Variants in B9D2 observed in about 807,000 individuals in gnomAD.
The protein encoded by B9D2 is B9 domain containing 2, also known as B9 domain-containing protein 2.
In B9D2, 21 loss-of-function variants were observed where a neutral mutation model predicts 19.2. That is an observed-to-expected ratio of 1.09 (90% CI 0.78 to 1.58). B9D2 has a LOEUF of 1.58. B9D2 is among the 40% of genes most tolerant of loss of function. The pLI is 0.00. For missense variants in B9D2, 221 were observed against 244.3 expected, an observed-to-expected ratio of 0.90 and a Z score of 0.64; for synonymous variants, 91 against 100.6, an observed-to-expected ratio of 0.90 and a Z score of 0.57.
rs927034662 is a variant in B9D2 at position 41,354,711 on chromosome 19, C to T, written c.517G>A (p.Val173Met). The T allele has an allele frequency of 2.2e-5, 35 of 1,614,022 alleles. No individual in the cohort carries two copies. The highest frequency in any genetic ancestry group is 3.0e-5 in the Non-Finnish European group (35 of 1,180,026). Residue 173 changes from valine (V) to methionine (M), a missense_variant, in exon 4 of 4, where the codon GTG (valine) becomes ATG (methionine). By Grantham distance (21) the Val-to-Met change is conservative. Transcript: ENST00000243578. ...GGAGGCAGAGTCCCTCAGCACTCCA[C>T]GCCGTAGCGGTCGAAGTTGCGGAGC... ...LLLRNFDRYG[V>M]EC
intron 2 of B9D2, among the ~76,000 whole-genome samples, chr19:41,360,409 T>G (rs1017954286): frequency 2.6e-5 from 4 of 152,192 alleles, no homozygotes; most frequent in Admixed American, 2.6e-4. Flanking sequence ...ACTCCTGGGC[T>G]CAAGTGATCC....
chr19:41,362,003 C>T (rs1427286189), intron 2 of B9D2, among the ~76,000 whole-genome samples: 3 of 93,132 alleles, frequency 3.2e-5, no homozygotes, highest in African/African-American at 1.3e-4. Flanking sequence ...TCGCTTGAAC[C>T]CAGGAGGCAG....
At chr19:41,360,546 C>T (rs763340912) in intron 2 of B9D2, among the ~76,000 whole-genome samples, 1 of 151,900 alleles carries the variant, frequency 6.6e-6, no homozygotes, top group African/African-American at 2.4e-5. Context: ...GCTCTTGTTG[C>T]CCAAGCTGGA....
At chr19:41,358,932 G>C (rs997259760) in intron 2 of B9D2, among the ~76,000 whole-genome samples, 31 of 151,992 alleles carry the variant, frequency 2.0e-4, no homozygotes, top group African/African-American at 6.3e-4. Context: ...ATCATCTAAG[G>C]TCAGGAGTTC....
chr19:41,360,888 C>T (rs939573319), intron 2 of B9D2: 2 of 152,172 alleles, frequency 1.3e-5, no homozygotes, highest in Admixed American at 6.6e-5. Context: ...CCCAAGACCA[C>T]AAACCCAGCT....
chr19:41,356,045 A>T (rs1360209618), intron 3 of B9D2, among the ~76,000 whole-genome samples: 1 of 152,122 alleles, frequency 6.6e-6, no homozygotes, highest in Admixed American at 6.6e-5. Flanking sequence ...CAGCATGGCT[A>T]GAGCAGAATG....
intron 2 of B9D2, chr19:41,362,854 T>C (rs187444973): frequency 6.3e-4 from 98 of 155,462 alleles, no homozygotes; most frequent in Non-Finnish European, 5.3e-4. Flanking sequence ...AATTAATAGG[T>C]GGGGGAGTTA....
In B9D2 at chr19:41,354,718, G is replaced by T. The variant is rs1285590502; in HGVS notation, c.510C>A (p.Arg170=). Residue 170 remains arginine, a synonymous_variant, in exon 4 of 4, where the codon CGC becomes CGA. Transcript: ENST00000243578. ...GAGTCCCTCAGCACTCCACGCCGTA[G>T]CGGTCGAAGTTGCGGAGCAGCAGGC... ...EIGLLLRNFD[R]YGVEC The T allele has an allele frequency of 1.9e-6, 3 of 1,614,070 alleles. No homozygotes were observed. The highest frequency in any genetic ancestry group is 2.5e-6 in the Non-Finnish European group (3 of 1,180,028).
At chr19:41,356,785 A>C (rs2038320937) in intron 3 of B9D2, among the ~76,000 whole-genome samples, 1 of 151,718 alleles carries the variant, frequency 6.6e-6, no homozygotes, top group Non-Finnish European at 1.5e-5. Flanking sequence ...TGGGAGGCAG[A>C]GGTTGCAGTG....
At position 41,357,796 on chromosome 19, in the gene B9D2, T is replaced by C. The variant is rs78999030; in HGVS notation, c.214+101A>G. On this transcript the variant is annotated intron_variant, in intron 3 of 3. Transcript: ENST00000243578. ...GGCTGCAAAAGGGACCTACGTGGTA[T>C]GGGGAGCAGGGACAGGTCTTGGTGT... The C allele has an allele frequency of 1.6e-3, 2,524 of 1,536,288 alleles. 37 individuals are homozygous for C. The African/African-American group carries it at 0.03, about 18-fold the overall frequency.
rs761684814 is a variant in B9D2, at chr19:41,354,696, T to C, written c.*4A>G. The C allele has an allele frequency of 1.9e-6, 3 of 1,613,686 alleles. No individual in the cohort carries two copies. Among genetic ancestry groups the C allele is most frequent in the East Asian group, 2.2e-5 (1 of 44,874 alleles). On this transcript the variant is annotated 3_prime_UTR_variant, in exon 4 of 4. Transcript: ENST00000243578. ...GATGGTGGTGACGTTGGAGGCAGAG[T>C]CCCTCAGCACTCCACGCCGTAGCGG...
At position 41,363,533 on chromosome 19, in the gene B9D2, G is replaced by GA; in HGVS notation, c.-4-11dup. On this transcript the variant is annotated splice_polypyrimidine_tract_variant and intron_variant, in intron 1 of 3. Coordinates refer to ENST00000243578, the MANE Select transcript of B9D2 (RefSeq NM_030578.4). ...CACCTCAGCCATGGCCCTGGGAGGG[G>GA]AAAAATATAATCACAACCCTGTGAG... is the stretch of plus-strand genomic sequence containing the variant. 6.2e-7 allele frequency: 1 copy of GA among 1,612,002 alleles called. No homozygotes were observed. Among genetic ancestry groups the GA allele is most frequent in the East Asian group, 2.2e-5 (1 of 44,862 alleles).
At chr19:41,362,430 C>T (rs1386917312) in intron 2 of B9D2, among the ~76,000 whole-genome samples, 1 of 149,606 alleles carries the variant, frequency 6.7e-6, no homozygotes, top group Non-Finnish European at 1.5e-5. Flanking sequence ...CATGATAATG[C>T]CAAATGGCCA....
At chr19:41,361,131 C>G (rs377528498) in intron 2 of B9D2, 2 of 152,342 alleles carry the variant, frequency 1.3e-5, no homozygotes, top group East Asian at 1.9e-4. Context: ...AGACTCAGCT[C>G]TAACTGCAGA....
intron 2 of B9D2, chr19:41,363,188 C>T (rs1477414907): frequency 7.3e-6 from 4 of 550,614 alleles, no homozygotes; most frequent in South Asian, 2.0e-5. Context: ...CGAGGCTGCA[C>T]TGAGCTATGA....
Position 41,354,765 on chromosome 19 carries a change from C to T in B9D2, c.463G>A (p.Gly155Ser), listed in dbSNP as rs750436680. The T allele has an allele frequency of 6.2e-7, 1 of 1,614,064 alleles. No homozygotes were observed. Among genetic ancestry groups the T allele is most frequent in the Non-Finnish European group, 8.5e-7 (1 of 1,180,034 alleles). The change falls in exon 4 of 4, where the codon GGC (glycine) becomes AGC (serine). Residue 155 changes from glycine (G) to serine (S), a missense_variant. Physicochemically the swap from Gly to Ser is moderately conservative, Grantham distance 56. Transcript: ENST00000243578. ...DRYRLHTAAG[G>S]TVHLEIGLLL... is the part of the protein sequence containing the mutation. ...AGGCCGATCTCCAGGTGCACGGTGC[C>T]ACCAGCAGCTGTGTGCAGGCGATAG...
intron 2 of B9D2, among the ~76,000 whole-genome samples, chr19:41,361,951 G>C (rs1384784709): frequency 1.5e-5 from 1 of 65,062 alleles, no homozygotes; most frequent in African/African-American, 6.4e-5. Flanking sequence ...ATGGTAGCGG[G>C]TGCCTGTAGT....
chr19:41,360,645 A>G (rs1405395830), intron 2 of B9D2, among the ~76,000 whole-genome samples: 1 of 152,104 alleles, frequency 6.6e-6, no homozygotes, highest in African/African-American at 2.4e-5. Context: ...AGCTGGGATT[A>G]CAGGCACACG....
At chr19:41,356,718 G>A (rs888193566) in intron 3 of B9D2, among the ~76,000 whole-genome samples, 30 of 151,910 alleles carry the variant, frequency 2.0e-4, no homozygotes, top group African/African-American at 7.3e-4. Flanking sequence ...AGATGTGGTG[G>A]CACGTGGCTG....
Sources: gnomAD v4.1 joint callset for allele counts (sites outside exome capture counted in the v4.1 genomes callset) on GRCh38, gnomAD v4.1.1 for gene constraint, MANE v1.5 for transcripts, NCBI Gene and HGNC (gene_info 2026-07-23, HGNC 2026-07-21) for gene names.